IPO11: variants seen among roughly 807,000 people sequenced by gnomAD.
The protein encoded by IPO11 is importin 11.
Under a neutral mutation model 143.2 loss-of-function variants are expected in IPO11, and 66 were observed. The observed-to-expected ratio is 0.46, with a 90% CI of 0.38 to 0.57. The LOEUF is 0.57. Ranked by LOEUF, IPO11 falls within the 20% of genes least tolerant of loss-of-function variation. The probability of loss-of-function intolerance (pLI) is 0.00; values close to 1 mark genes in which losing one functional copy is unlikely to be tolerated. For missense variants in IPO11, 1,026 were observed against 1,141.0 expected, an observed-to-expected ratio of 0.90 and a Z score of 1.45; for synonymous variants, 385 against 377.8, an observed-to-expected ratio of 1.02 and a Z score of -0.22.
intron 27 of IPO11, among the ~76,000 whole-genome samples, chr5:62,582,607 T>G (rs1487663385): frequency 6.6e-6 from 1 of 152,206 alleles, no homozygotes; most frequent in Non-Finnish European, 1.5e-5. Flanking sequence ...ATGCACCCTT[T>G]ACAGTAACAA....
chr5:62,478,927 TTG>T (rs1159639415), intron 9 of IPO11, among the ~76,000 whole-genome samples: 7 of 152,098 alleles, frequency 4.6e-5, no homozygotes, highest in Admixed American at 6.5e-5. Flanking sequence ...CAATGTCTGG[TTG>T]TCTCTTTTTC....
chr5:62,552,562 T>G (rs1448033576), intron 26 of IPO11, among the ~76,000 whole-genome samples: 1 of 151,858 alleles, frequency 6.6e-6, no homozygotes, highest in Non-Finnish European at 1.5e-5. Context: ...TCTTCCCACC[T>G]TGGCCTCCCA....
Position 62,561,177 on chromosome 5 carries a change from TC to T in IPO11, c.2503del (p.Arg835GlufsTer37). ...LGNMIEMWVD[R>X]MDNITQPERR... ...GAAATATGATTGAAATGTGGGTTGATCGAATGGACAACATTACCCAGCCTGA... is the reference window on the plus strand; with the variant it reads ...GAAATATGATTGAAATGTGGGTTGATGAATGGACAACATTACCCAGCCTGA... On this transcript the variant is annotated frameshift_variant, in exon 27 of 30. Transcript: ENST00000325324. LOFTEE classifies it high-confidence loss of function. 6.2e-7 allele frequency: 1 copy of T among 1,610,482 alleles called. No individual in the cohort carries two copies. The highest frequency in any genetic ancestry group is 8.5e-7 in the Non-Finnish European group (1 of 1,178,330).
At chr5:62,580,206 C>T in intron 27 of IPO11, 9 of 1,551,002 alleles carry the variant, frequency 5.8e-6, no homozygotes, top group Non-Finnish European at 7.8e-6. Context: ...ATCTGGAATA[C>T]CTCCTCCTGA....
At chr5:62,421,551 C>T (rs779392638) in intron 1 of IPO11, among the ~76,000 whole-genome samples, 3 of 152,142 alleles carry the variant, frequency 2.0e-5, no homozygotes, top group Non-Finnish European at 4.4e-5. Flanking sequence ...ATTTAAAGTT[C>T]TAGAAATGTC....
At chr5:62,506,853 C>G (rs1741572051) in intron 19 of IPO11, among the ~76,000 whole-genome samples, 1 of 152,132 alleles carries the variant, frequency 6.6e-6, no homozygotes, top group African/African-American at 2.4e-5. Flanking sequence ...TCCGGAAAAC[C>G]ACACTGTAAT....
intron 7 of IPO11, among the ~76,000 whole-genome samples, chr5:62,474,004 CAG>C (rs1016337565): frequency 6.6e-6 from 1 of 152,084 alleles, no homozygotes; most frequent in African/African-American, 2.4e-5. Flanking sequence ...AAGCAGTAAA[CAG>C]AGCAAAGTTC....
chr5:62,563,467 A>G (rs39932), intron 27 of IPO11, among the ~76,000 whole-genome samples: 123,910 of 152,136 alleles, frequency 0.81, 51,221 homozygotes, highest in African/African-American at 0.96. Context: ...TTGCTTCAAC[A>G]TATAATATTA....
At chr5:62,440,360 T>A (rs1309145176) in intron 2 of IPO11, among the ~76,000 whole-genome samples, 1 of 150,132 alleles carries the variant, frequency 6.7e-6, no homozygotes, top group African/African-American at 2.5e-5. Flanking sequence ...TTTTTTTTTT[T>A]TTTTTTTTAT....
At chr5:62,427,159 C>T (rs545021437) in intron 1 of IPO11, among the ~76,000 whole-genome samples, 17 of 151,750 alleles carry the variant, frequency 1.1e-4, no homozygotes, top group East Asian at 1.9e-4. Context: ...AGGCTGGTCT[C>T]GAGCTCCTTA....
At chr5:62,579,901 C>G (rs544594047) in intron 27 of IPO11, 3 of 1,551,070 alleles carry the variant, frequency 1.9e-6, no homozygotes, top group East Asian at 2.4e-5. Flanking sequence ...ATTTAATGAT[C>G]TAGTTTCAGT....
chr5:62,535,179 AG>A (rs142640472), intron 22 of IPO11, among the ~76,000 whole-genome samples: 2,969 of 152,122 alleles, frequency 0.02, 95 homozygotes, highest in African/African-American at 0.065. Context: ...AAATATCTGT[AG>A]GAAGAGACGG....
intron 2 of IPO11, among the ~76,000 whole-genome samples, chr5:62,438,390 C>T (rs914568535): frequency 5.3e-5 from 8 of 151,646 alleles, no homozygotes; most frequent in Admixed American, 2.6e-4. Context: ...CTAAAGAAAA[C>T]ATCTTATTCT....
intron 1 of IPO11, among the ~76,000 whole-genome samples, chr5:62,416,454 T>G (rs1238399168): frequency 1.3e-5 from 2 of 152,124 alleles, no homozygotes; most frequent in Non-Finnish European, 2.9e-5. Context: ...AGTGCTGGGA[T>G]TACAGGCGTG....
chr5:62,627,375 G>C lies in IPO11; in HGVS notation c.*57G>C. On this transcript the variant is annotated 3_prime_UTR_variant, in exon 30 of 30. Transcript: ENST00000325324. Reference sequence around the variant, plus strand: ...AGAAACAAGCTGAGTAACCCAGCCTGCCGTTTGTATGTGAGAGCCTGCTGA... The same window carrying C: ...AGAAACAAGCTGAGTAACCCAGCCTCCCGTTTGTATGTGAGAGCCTGCTGA... 1 of 1,539,128 alleles carries C rather than the reference G, an allele frequency of 6.5e-7. No homozygotes were observed. The highest frequency in any genetic ancestry group is 8.9e-7 in the Non-Finnish European group (1 of 1,128,040).
chr5:62,469,926 G>T (rs954327866), intron 6 of IPO11, among the ~76,000 whole-genome samples: 2 of 152,136 alleles, frequency 1.3e-5, no homozygotes, highest in African/African-American at 4.8e-5. Flanking sequence ...CTTAAAGTTT[G>T]TGAAATAGAA....
At chr5:62,577,929 A>G (rs1744381011) in intron 27 of IPO11, among the ~76,000 whole-genome samples, 1 of 152,124 alleles carries the variant, frequency 6.6e-6, no homozygotes, top group Non-Finnish European at 1.5e-5. Flanking sequence ...AGCTTAAGCA[A>G]CTAGCTTAAA....
chr5:62,478,153 G>A (rs548721860), intron 9 of IPO11, among the ~76,000 whole-genome samples: 1 of 152,000 alleles, frequency 6.6e-6, no homozygotes, highest in Admixed American at 6.6e-5. Context: ...TAAGTGGTAG[G>A]GTTGTTTTGT....
chr5:62,458,336 T>G (rs1171924475), intron 5 of IPO11, among the ~76,000 whole-genome samples: 2 of 108,274 alleles, frequency 1.8e-5, no homozygotes, highest in African/African-American at 7.1e-5. Flanking sequence ...AGTCTTGCTG[T>G]GTCACCCAGG....
Sources: allele counts gnomAD v4.1 joint callset (sites outside exome capture counted in the v4.1 genomes callset), GRCh38; gene constraint gnomAD v4.1.1; transcripts MANE v1.5; gene names NCBI Gene and HGNC (gene_info 2026-07-23, HGNC 2026-07-21).